RORA: variants seen among roughly 807,000 people sequenced by gnomAD.
RORA encodes RAR related orphan receptor A.
Under a neutral mutation model 69.5 loss-of-function variants are expected in RORA, and 7 were observed. That is an observed-to-expected ratio of 0.10 (90% confidence interval 0.06 to 0.19). The LOEUF is 0.19. Ranked by LOEUF, RORA falls within the 10% of genes least tolerant of loss-of-function variation. The pLI is 1.00. For missense variants in RORA, 457 were observed against 663.0 expected, an observed-to-expected ratio of 0.69 and a Z score of 3.41; for synonymous variants, 261 against 240.8, an observed-to-expected ratio of 1.08 and a Z score of -0.78.
intron 1 of RORA, among the ~76,000 whole-genome samples, chr15:60,727,523 T>C (rs1455537510): frequency 6.6e-6 from 1 of 152,090 alleles, no homozygotes; most frequent in Non-Finnish European, 1.5e-5. Flanking sequence ...GAACCAAAGC[T>C]CTAAACTGTC....
At position 61,226,676 on chromosome 15, in the gene RORA, T is replaced by A. The variant is rs1324644693; in HGVS notation, c.166+2377A>T. On this transcript the variant is annotated intron_variant, in intron 1 of 10. Coordinates refer to ENST00000335670, the MANE Select transcript of RORA (RefSeq NM_134261.3). The surrounding 1 kb of genome is among the most constrained non-coding windows in gnomAD (Gnocchi z 4.2). ...TGAGGTTAAAGTCTGCAAATGCACA[T>A]AATTTCTGGAAGCTATTACTACTGC... Among the ~76,000 whole-genome samples the A allele has an allele frequency of 8.5e-5, 13 of 152,226 alleles. No homozygotes were observed. The highest frequency in any genetic ancestry group is 8.5e-4 in the Admixed American group (13 of 15,292).
intron 1 of RORA, among the ~76,000 whole-genome samples, chr15:60,922,132 A>G (rs1437344633): frequency 6.6e-6 from 1 of 152,204 alleles, no homozygotes; most frequent in East Asian, 1.9e-4. Flanking sequence ...CTCTTTTAGA[A>G]AACATAATTT....
chr15:60,498,860 A>G (rs77732251), intron 10 of RORA, among the ~76,000 whole-genome samples: 51 of 117,926 alleles, frequency 4.3e-4, no homozygotes, highest in African/African-American at 2.2e-3. Context: ...TATAAAGGAG[A>G]AAAAAAAAAA....
intron 1 of RORA, among the ~76,000 whole-genome samples, chr15:61,219,390 C>T (rs140744975): frequency 2.0e-3 from 301 of 152,200 alleles, no homozygotes; most frequent in African/African-American, 6.6e-3. Flanking sequence ...CTGGCGAACA[C>T]GGTGAAACCC....
intron 1 of RORA, among the ~76,000 whole-genome samples, chr15:60,907,383 G>A (rs1387007388): frequency 1.3e-5 from 2 of 152,198 alleles, no homozygotes; most frequent in Non-Finnish European, 2.9e-5. Flanking sequence ...CAATGTAAGA[G>A]GAGTCAGGAG....
intron 2 of RORA, among the ~76,000 whole-genome samples, chr15:60,670,201 C>CTT (rs60799050): frequency 7.9e-6 from 1 of 126,106 alleles, no homozygotes; most frequent in African/African-American, 3.3e-5. Flanking sequence ...TATCCTACCT[C>CTT]TTTTTTTTTT....
intron 1 of RORA, among the ~76,000 whole-genome samples, chr15:60,687,225 G>A (rs2070763023): frequency 6.6e-6 from 1 of 152,018 alleles, no homozygotes; most frequent in Admixed American, 6.6e-5. Flanking sequence ...GATCCAATGG[G>A]GTATTAAACA....
chr15:61,209,886 T>C (rs570261010), intron 1 of RORA, among the ~76,000 whole-genome samples: 263 of 152,374 alleles, frequency 1.7e-3, no homozygotes, highest in Non-Finnish European at 3.1e-3. Flanking sequence ...GACTTACTTA[T>C]ACATTTATAG....
chr15:60,745,329 C>T (rs757336672), intron 1 of RORA, among the ~76,000 whole-genome samples: 5 of 152,190 alleles, frequency 3.3e-5, no homozygotes, highest in African/African-American at 7.2e-5. Context: ...CATACGTTCC[C>T]GTCACTCCCA....
chr15:60,904,929 G>A (rs905842081), intron 1 of RORA, among the ~76,000 whole-genome samples: 3 of 152,154 alleles, frequency 2.0e-5, no homozygotes, highest in African/African-American at 7.2e-5. Context: ...CCAATGGTGA[G>A]TGGAAGCCCA....
intron 2 of RORA, among the ~76,000 whole-genome samples, chr15:60,662,025 G>T (rs2070311647): frequency 6.6e-6 from 1 of 152,124 alleles, no homozygotes; most frequent in Non-Finnish European, 1.5e-5. Flanking sequence ...TCTCCTATTG[G>T]GATCTCCCAT....
chr15:61,031,050 G>A (rs1455507664), intron 1 of RORA, among the ~76,000 whole-genome samples: 1 of 152,092 alleles, frequency 6.6e-6, no homozygotes, highest in Non-Finnish European at 1.5e-5. Context: ...GTTGACATCA[G>A]TAACTGTTTA....
At chr15:60,879,500 T>G (rs891275694) in intron 1 of RORA, among the ~76,000 whole-genome samples, 2 of 152,126 alleles carry the variant, frequency 1.3e-5, no homozygotes, top group African/African-American at 2.4e-5. Flanking sequence ...CAAATAACTG[T>G]CAAAAGTCAA....
chr15:60,570,912 T>C (rs2140452315), intron 2 of RORA, among the ~76,000 whole-genome samples: 1 of 152,312 alleles, frequency 6.6e-6, no homozygotes, highest in East Asian at 1.9e-4. Context: ...ACCAGGTAAC[T>C]CTCAGGCCTC....
chr15:60,943,595 A>C (rs1323713993), intron 1 of RORA, among the ~76,000 whole-genome samples: 1 of 152,016 alleles, frequency 6.6e-6, no homozygotes, highest in Non-Finnish European at 1.5e-5. Context: ...TGACATCTTT[A>C]ACCTCAGCCA....
intron 1 of RORA, among the ~76,000 whole-genome samples, chr15:61,072,500 G>GCT (rs1349308765): frequency 6.6e-6 from 1 of 152,170 alleles, no homozygotes; most frequent in Non-Finnish European, 1.5e-5. Flanking sequence ...TCTGTCCCAA[G>GCT]AACTACACCC....
chr15:60,913,305 A>G (rs1891781758), intron 1 of RORA, among the ~76,000 whole-genome samples: 1 of 152,174 alleles, frequency 6.6e-6, no homozygotes, highest in South Asian at 2.1e-4. Context: ...GGAAAGTTAC[A>G]GAGAGCTCCC....
intron 2 of RORA, among the ~76,000 whole-genome samples, chr15:60,540,722 G>C (rs2066846288): frequency 6.6e-6 from 1 of 152,166 alleles, no homozygotes; most frequent in African/African-American, 2.4e-5. Flanking sequence ...GCATTCTGAA[G>C]ATCTGCTACT....
chr15:60,905,659 C>A lies in RORA; in HGVS notation c.167-226973G>T, dbSNP rs1469013155. On this transcript the variant is annotated intron_variant, in intron 1 of 10. Transcript: ENST00000335670. This position sits in a 1 kb window ranked among gnomAD's most constrained non-coding sequence, Gnocchi z 4.8. The stretch of plus-strand genomic sequence containing the variant: ...ATAAAGCCCTCAAGAGCGTCTGTAT[C>A]TGCCCCGGTTCTGTCAGGAAAATTA... Among the ~76,000 whole-genome samples the A allele has an allele frequency of 1.3e-5, 2 of 152,210 alleles. No individual in the cohort carries two copies. The highest frequency in any genetic ancestry group is 4.8e-5 in the African/African-American group (2 of 41,454).
Sources: gnomAD v4.1 joint callset for allele counts (sites outside exome capture counted in the v4.1 genomes callset) on GRCh38, gnomAD v4.1.1 for gene constraint, Gnocchi (gnomAD v3.1) non-coding constraint, MANE v1.5 for transcripts, NCBI Gene and HGNC (gene_info 2026-07-23, HGNC 2026-07-21) for gene names.